PIP5K1A: variants seen among roughly 807,000 people sequenced by gnomAD.
PIP5K1A encodes the protein phosphatidylinositol 4-phosphate 5-kinase type-1 alpha.
PIP5K1A carries 46 observed loss-of-function variants against 72.9 expected under a neutral mutation model. That is an observed-to-expected ratio of 0.63 (90% CI 0.50 to 0.81). PIP5K1A has a LOEUF of 0.81. Ranked by LOEUF, PIP5K1A falls within the 30% of genes least tolerant of loss-of-function variation. The pLI is 0.00. For synonymous variants in PIP5K1A, 228 were observed against 255.1 expected, an observed-to-expected ratio of 0.89 and a Z score of 1.01; for missense variants, 458 against 706.1, an observed-to-expected ratio of 0.65 and a Z score of 3.98.
In PIP5K1A at chr1:151,242,549, T is replaced by C. The variant is rs1325409250; in HGVS notation, c.1622T>C (p.Leu541Ser). Residue 541 changes from leucine to serine, a missense_variant, in exon 14 of 16, where the codon TTG (leucine) becomes TCG (serine). Physicochemically the swap from Leu to Ser is moderately radical, Grantham distance 145 (BLOSUM62 -2). Transcript: ENST00000368888. ...TTCTCACCTCTAGTTGGAGAGACTT[T>C]GCAAATGCTAACTACAAGGTTGGTT... Reference protein sequence around the residue: ...PSFSPLVGETLQMLTTSTTLE... With the variant: ...PSFSPLVGETSQMLTTSTTLE... The C allele has an allele frequency of 2.5e-6, 4 of 1,614,006 alleles. No homozygotes were observed. The highest frequency in any genetic ancestry group is 2.2e-5 in the East Asian group (1 of 44,888).
intron 4 of PIP5K1A, among the ~76,000 whole-genome samples, 169 bp from the exon 5 acceptor site, chr1:151,231,502 G>C (rs1167822917): frequency 6.6e-6 from 1 of 152,172 alleles, no homozygotes; most frequent in Non-Finnish European, 1.5e-5. Flanking sequence ...TAATTGCAGA[G>C]TACAGCATAG....
intron 15 of PIP5K1A, 94 bp from the exon 16 acceptor site, chr1:151,247,769 G>T (rs1178433790): frequency 1.9e-6 from 2 of 1,062,688 alleles, no homozygotes; most frequent in South Asian, 1.4e-5. Context: ...CATACTTGGA[G>T]GCTGAGGCTG....
chr1:151,224,029 C>G (rs1688765137), intron 1 of PIP5K1A: 3 of 570,214 alleles, frequency 5.3e-6, no homozygotes, highest in Non-Finnish European at 9.4e-6. Flanking sequence ...AGAAAGGGGT[C>G]TAGAATAAAA....
intron 11 of PIP5K1A, among the ~76,000 whole-genome samples, chr1:151,239,650 C>G (rs1691398880): frequency 6.6e-6 from 1 of 152,140 alleles, no homozygotes; most frequent in Non-Finnish European, 1.5e-5. Context: ...GCCTCAGCCT[C>G]CCATGTAGCT....
intron 1 of PIP5K1A, among the ~76,000 whole-genome samples, chr1:151,200,701 T>G (rs1301096173): frequency 6.6e-6 from 1 of 152,152 alleles, no homozygotes; most frequent in Admixed American, 6.6e-5. Flanking sequence ...TAAATCTCTA[T>G]TTTTAGTTTG....
chr1:151,216,646 C>G (rs1687668736), intron 1 of PIP5K1A, among the ~76,000 whole-genome samples: 1 of 152,096 alleles, frequency 6.6e-6, no homozygotes, highest in Non-Finnish European at 1.5e-5. Context: ...TGTTGTACCT[C>G]TCATTTCCCC....
At chr1:151,243,308 TCCGGTTGGATGAGC>T (rs1692037875) in intron 14 of PIP5K1A, among the ~76,000 whole-genome samples, 1 of 152,198 alleles carries the variant, frequency 6.6e-6, no homozygotes, top group Admixed American at 6.5e-5. Flanking sequence ...CTAAATTAGG[TCCGGTTGGATGAGC>T]CCCCCAGGTA....
chr1:151,236,880 T>C, intron 9 of PIP5K1A, 117 bp downstream of exon 9: 1 of 709,138 alleles, frequency 1.4e-6, no homozygotes, highest in East Asian at 2.7e-5. Flanking sequence ...TGTGCTGATG[T>C]GCAATGGCAC....
chr1:151,224,533 A>G (rs1688836660), intron 3 of PIP5K1A, 127 bp downstream of exon 3: 3 of 723,390 alleles, frequency 4.1e-6, no homozygotes, highest in Non-Finnish European at 2.4e-6. Flanking sequence ...TACTGTACCT[A>G]AGTGCCCTTT....
At chr1:151,217,956 T>G (rs892733610) in intron 1 of PIP5K1A, among the ~76,000 whole-genome samples, 1 of 151,990 alleles carries the variant, frequency 6.6e-6, no homozygotes, top group African/African-American at 2.4e-5. Flanking sequence ...TTTTTGTATT[T>G]ATAGAGATGA....
intron 9 of PIP5K1A, among the ~76,000 whole-genome samples, chr1:151,237,169 A>G (rs1691014634): frequency 6.6e-6 from 1 of 152,194 alleles, no homozygotes; most frequent in South Asian, 2.1e-4. Flanking sequence ...GCTTCTGGAA[A>G]GGAGTAGCCT....
intron 1 of PIP5K1A, among the ~76,000 whole-genome samples, chr1:151,199,934 C>T (rs74127549): frequency 0.012 from 1,801 of 152,136 alleles, 39 homozygotes; most frequent in African/African-American, 0.041. Context: ...TCACTTCGCA[C>T]CCCCACCCTT....
rs762356101 is a variant in PIP5K1A at position 151,234,249 on chromosome 1, G to A, written c.692G>A (p.Cys231Tyr). 6.2e-7 allele frequency: 1 copy of A among 1,614,048 alleles called. No homozygotes were observed. The highest frequency in any genetic ancestry group is 8.5e-7 in the Non-Finnish European group (1 of 1,179,934). Residue 231 changes from cysteine to tyrosine, a missense_variant, in exon 8 of 16, where the codon TGT becomes TAT. By Grantham distance (194) the Cys-to-Tyr change is radical. Around this residue, in one of 3 missense-constraint regions of PIP5K1A, gnomAD observed 220 missense variants for 442.6 expected, o/e 0.50. Coordinates refer to ENST00000368888, the MANE Select transcript of PIP5K1A (RefSeq NM_001135638.2). ...CTGCCTAAATTCTATGGACTGTACTGTGTGCAGGCAGGTGGCAAGAACATT... is the reference window on the plus strand; with the variant it reads ...CTGCCTAAATTCTATGGACTGTACTATGTGCAGGCAGGTGGCAAGAACATT... ...TLLPKFYGLYCVQAGGKNIRI... is the reference protein window; with the variant it reads ...TLLPKFYGLYYVQAGGKNIRI...
In PIP5K1A at chr1:151,198,830, T is replaced by C; in HGVS notation, c.-167T>C. The C allele has an allele frequency of 1.4e-6, 1 of 695,938 alleles. No homozygotes were observed. Among genetic ancestry groups the C allele is most frequent in the Non-Finnish European group, 2.5e-6 (1 of 393,430 alleles). The allele number at this position is 695,938 out of a possible 1,614,324, so 43.1% of individuals were successfully genotyped here. A position where few individuals can be genotyped will look rare whatever the true frequency, so the allele number is the denominator to read the frequency against. The stretch of plus-strand genomic sequence containing the variant: ...CCAGGCGAATGGTGTGGCCTTGAGC[T>C]GGTCCAGGAGCCGGCTCGACGTGTC... On this transcript the variant is annotated 5_prime_UTR_variant, in exon 1 of 16. Coordinates refer to ENST00000368888, the MANE Select transcript of PIP5K1A (RefSeq NM_001135638.2).
chr1:151,217,867 C>T (rs1302450272), intron 1 of PIP5K1A, among the ~76,000 whole-genome samples: 1 of 152,110 alleles, frequency 6.6e-6, no homozygotes, highest in Non-Finnish European at 1.5e-5. Flanking sequence ...GCAACCTCCA[C>T]CTCCTGGGTT....
At chr1:151,235,372 C>T (rs1197269496) in intron 8 of PIP5K1A, among the ~76,000 whole-genome samples, 8 of 152,172 alleles carry the variant, frequency 5.3e-5, no homozygotes, top group African/African-American at 1.4e-4. Context: ...TGTGAGCCAC[C>T]GCACCCGGCC....
chr1:151,225,957 T>C (rs1689061592), intron 3 of PIP5K1A, among the ~76,000 whole-genome samples: 1 of 151,834 alleles, frequency 6.6e-6, no homozygotes, highest in South Asian at 2.1e-4. Flanking sequence ...TTTGTATTTT[T>C]AGTTGGAGAT....
At chr1:151,246,620 G>A (rs984452463) in intron 14 of PIP5K1A, among the ~76,000 whole-genome samples, 1 of 152,150 alleles carries the variant, frequency 6.6e-6, no homozygotes, top group Non-Finnish European at 1.5e-5. Flanking sequence ...TTACACAATG[G>A]CATGGATCTC....
At chr1:151,242,412 C>G (rs1054959939) in intron 13 of PIP5K1A, 26 bp from the exon 14 acceptor site, 3 of 1,613,142 alleles carry the variant, frequency 1.9e-6, no homozygotes, top group African/African-American at 1.3e-5. Flanking sequence ...ATTTACTGTA[C>G]CCCATCTTCT....
Sources: allele counts gnomAD v4.1 joint callset (sites outside exome capture counted in the v4.1 genomes callset), GRCh38; gene constraint gnomAD v4.1.1; regional missense constraint gnomAD v4.1.1; transcripts MANE v1.5; gene names NCBI Gene and HGNC (gene_info 2026-07-23, HGNC 2026-07-21).